Variants in RAD51B observed in about 807,000 individuals in gnomAD.
RAD51B encodes DNA repair protein RAD51 homolog 2.
A neutral mutation model predicts 42.2 loss-of-function variants in RAD51B; 38 were observed. The ratio of observed to expected loss-of-function variants is 0.90; its 90% CI spans 0.70 to 1.18. RAD51B has a LOEUF of 1.18. Ranked by LOEUF, RAD51B falls within the 50% of genes most tolerant of loss-of-function variation. The pLI, the probability that RAD51B is intolerant of heterozygous loss-of-function variation, is 0.00. For missense variants in RAD51B, 373 were observed against 400.7 expected, an observed-to-expected ratio of 0.93 and a Z score of 0.59; for synonymous variants, 154 against 145.2, an observed-to-expected ratio of 1.06 and a Z score of -0.43.
rs377012148 is a variant in RAD51B at position 68,385,092 on chromosome 14, G to A, written c.854-26332G>A. On this transcript the variant is annotated intron_variant, in intron 8 of 10. Coordinates refer to ENST00000471583, the MANE Select transcript of RAD51B (RefSeq NM_133510.4). ...CTCTGTTTTGCTAACTCATTAGTTC[G>A]GACACCACATTGTGTTAATCCCCAC... 3.3e-5 allele frequency among the ~76,000 whole-genome samples: 5 copies of A among 151,828 alleles called. No individual in the cohort carries two copies. The East Asian group carries it at 5.8e-4, about 18-fold the overall frequency.
intron 10 of RAD51B, among the ~76,000 whole-genome samples, chr14:68,506,285 A>G (rs1174348947): frequency 2.0e-5 from 3 of 152,212 alleles, no homozygotes; most frequent in Non-Finnish European, 4.4e-5. Context: ...TAGCGAGTGA[A>G]GCTCAGGCAG....
At chr14:67,983,344 G>T (rs1029269086) in intron 7 of RAD51B, among the ~76,000 whole-genome samples, 7 of 152,244 alleles carry the variant, frequency 4.6e-5, no homozygotes, top group African/African-American at 1.7e-4. Context: ...AAAAGATAAA[G>T]CCCCATATTT....
intron 7 of RAD51B, among the ~76,000 whole-genome samples, chr14:67,976,959 G>GA (rs1169600540): frequency 6.6e-6 from 1 of 152,080 alleles, no homozygotes; most frequent in African/African-American, 2.4e-5. Flanking sequence ...AAAAACACAT[G>GA]AAAAAATGCT....
At chr14:68,397,370 T>C (rs943321666) in intron 8 of RAD51B, among the ~76,000 whole-genome samples, 4 of 152,238 alleles carry the variant, frequency 2.6e-5, no homozygotes, top group Non-Finnish European at 4.4e-5. Context: ...AAAATAACCC[T>C]GCTAGCCTCA....
At chr14:67,947,438 G>C (rs1466871040) in intron 7 of RAD51B, among the ~76,000 whole-genome samples, 3 of 152,170 alleles carry the variant, frequency 2.0e-5, no homozygotes, top group African/African-American at 7.2e-5. Context: ...TAGGGACTGT[G>C]TTCGGTTTAC....
At chr14:67,917,773 A>G (rs1169764610) in intron 7 of RAD51B, among the ~76,000 whole-genome samples, 3 of 152,202 alleles carry the variant, frequency 2.0e-5, no homozygotes, top group Non-Finnish European at 4.4e-5. Flanking sequence ...TAAGAGGAAC[A>G]CTGTGGACAG....
chr14:68,533,533 A>G (rs1429707444), intron 10 of RAD51B, among the ~76,000 whole-genome samples: 1 of 152,230 alleles, frequency 6.6e-6, no homozygotes, highest in Non-Finnish European at 1.5e-5. Context: ...TGTAATGAGA[A>G]GGAAGACAAT....
chr14:67,849,753 T>A (rs1301989705), intron 4 of RAD51B, among the ~76,000 whole-genome samples: 1 of 152,208 alleles, frequency 6.6e-6, no homozygotes, highest in East Asian at 1.9e-4. Flanking sequence ...AAGATGTTTA[T>A]CTCCTTTTTC....
chr14:68,637,372 C>G (rs931524607), intron 10 of RAD51B, among the ~76,000 whole-genome samples: 3 of 152,200 alleles, frequency 2.0e-5, no homozygotes, highest in Non-Finnish European at 4.4e-5. Flanking sequence ...AGCCACCTCA[C>G]TCGGACTTCG....
intron 7 of RAD51B, among the ~76,000 whole-genome samples, chr14:67,995,983 T>C (rs2075377694): frequency 6.6e-6 from 1 of 152,042 alleles, no homozygotes; most frequent in African/African-American, 2.4e-5. Flanking sequence ...ATTCAAGGAG[T>C]ACTTAATTAT....
At chr14:68,655,525 G>A (rs943764672) in intron 11 of RAD51B, among the ~76,000 whole-genome samples, 2 of 152,204 alleles carry the variant, frequency 1.3e-5, no homozygotes, top group East Asian at 1.9e-4. Flanking sequence ...TGCTCAGGTC[G>A]GGGGAGAGGG....
intron 7 of RAD51B, among the ~76,000 whole-genome samples, chr14:68,160,480 G>A (rs78196207): frequency 0.025 from 3,842 of 152,224 alleles, 136 homozygotes; most frequent in African/African-American, 0.074. Flanking sequence ...ATCTTACTCT[G>A]TTTTGCAATG....
chr14:67,847,326 CTT>C (rs60032578), intron 4 of RAD51B, among the ~76,000 whole-genome samples: 3,111 of 105,570 alleles, frequency 0.029, 28 homozygotes, highest in African/African-American at 0.076. Context: ...TTGGTTTGTT[CTT>C]TTTTTTTTTT....
intron 9 of RAD51B, among the ~76,000 whole-genome samples, chr14:68,421,218 G>A (rs556840543): frequency 1.3e-5 from 2 of 152,072 alleles, no homozygotes; most frequent in Non-Finnish European, 2.9e-5. Flanking sequence ...TTGTGTGTGT[G>A]AGATTTGAAA....
chr14:68,390,876 T>C (rs1221427507), intron 8 of RAD51B, among the ~76,000 whole-genome samples: 2 of 152,216 alleles, frequency 1.3e-5, no homozygotes, highest in Admixed American at 1.3e-4. Flanking sequence ...TAGGGTGTCC[T>C]CTAGACCTCA....
chr14:68,125,697 C>T (rs1307682675), intron 7 of RAD51B, among the ~76,000 whole-genome samples: 1 of 151,826 alleles, frequency 6.6e-6, no homozygotes, highest in Non-Finnish European at 1.5e-5. Flanking sequence ...AAAAAAGTGT[C>T]TCACTTCTGG....
At chr14:68,013,707 C>G (rs2075726859) in intron 7 of RAD51B, among the ~76,000 whole-genome samples, 1 of 152,122 alleles carries the variant, frequency 6.6e-6, no homozygotes, top group African/African-American at 2.4e-5. Flanking sequence ...AAAAACTTGT[C>G]TAGTATTATT....
At chr14:68,135,515 A>C (rs2077989381) in intron 7 of RAD51B, among the ~76,000 whole-genome samples, 1 of 152,186 alleles carries the variant, frequency 6.6e-6, no homozygotes, top group Admixed American at 6.6e-5. Context: ...AATAGTATAC[A>C]CATAGACATA....
At chr14:68,305,083 A>G (rs1254990999) in intron 8 of RAD51B, among the ~76,000 whole-genome samples, 2 of 152,236 alleles carry the variant, frequency 1.3e-5, no homozygotes, top group Non-Finnish European at 2.9e-5. Context: ...TTAAAATATG[A>G]AGTGGGTTCT....
Sources: gnomAD v4.1 joint callset for allele counts (sites outside exome capture counted in the v4.1 genomes callset) on GRCh38, gnomAD v4.1.1 for gene constraint, MANE v1.5 for transcripts, NCBI Gene and HGNC (gene_info 2026-07-23, HGNC 2026-07-21) for gene names.